ATOSA: variants seen among roughly 807,000 people sequenced by gnomAD.
ATOSA encodes the protein atos homolog A.
chr15:52,582,019 C>T, the ATOSA span: 1 of 647,826 alleles, frequency 1.5e-6, no homozygotes, highest in East Asian at 3.4e-5. Context: ...TTTCAGGAAT[C>T]CTTTCATAAA....
chr15:52,707,747 C>T, the ATOSA span, among the ~76,000 whole-genome samples: 2 of 151,812 alleles, frequency 1.3e-5, no homozygotes, highest in Admixed American at 1.3e-4. Flanking sequence ...CCACATACTC[C>T]CGAATGATTC....
the ATOSA span, chr15:52,658,085 C>T: frequency 6.6e-6 from 1 of 152,058 alleles, no homozygotes; most frequent in South Asian, 2.1e-4. Flanking sequence ...TGGTTTTTAC[C>T]ATATCATATT....
chr15:52,589,523 A>G, the ATOSA span, among the ~76,000 whole-genome samples: 1 of 146,654 alleles, frequency 6.8e-6, no homozygotes, highest in African/African-American at 2.5e-5. Flanking sequence ...TTTAGAACAC[A>G]GTAACTAAAT....
chr15:52,658,999 GA>G, the ATOSA span, among the ~76,000 whole-genome samples: 1 of 151,594 alleles, frequency 6.6e-6, no homozygotes, highest in African/African-American at 2.4e-5. Flanking sequence ...AACAAAAAAA[GA>G]AAGGGATAGT....
At chr15:52,594,059 TA>T in the ATOSA span, among the ~76,000 whole-genome samples, 1 of 152,366 alleles carries the variant, frequency 6.6e-6, no homozygotes, top group South Asian at 2.1e-4. Flanking sequence ...ATGTTGTTTT[TA>T]TATCTGTAAA....
the ATOSA span, among the ~76,000 whole-genome samples, chr15:52,649,081 A>G: frequency 6.6e-6 from 1 of 152,198 alleles, no homozygotes; most frequent in Non-Finnish European, 1.5e-5. Context: ...TTTTGATACT[A>G]TAACATCTGA....
the ATOSA span, chr15:52,605,244 CCT>C: frequency 6.3e-7 from 1 of 1,576,248 alleles, no homozygotes; most frequent in Non-Finnish European, 8.6e-7. Context: ...TCAGTGTAGT[CCT>C]CTGTTAGGAA....
the ATOSA span, chr15:52,611,022 T>TA: frequency 2.3e-6 from 3 of 1,288,040 alleles, no homozygotes; most frequent in Non-Finnish European, 3.1e-6. Flanking sequence ...TTTATCCACT[T>TA]ACATTTAGAA....
chr15:52,705,880 AT>A, the ATOSA span, among the ~76,000 whole-genome samples: 3 of 152,162 alleles, frequency 2.0e-5, no homozygotes, highest in African/African-American at 7.2e-5. Context: ...TTTACTCTAT[AT>A]TATTTATGAT....
chr15:52,587,237 C>A, the ATOSA span: 3 of 1,607,990 alleles, frequency 1.9e-6, no homozygotes, highest in Non-Finnish European at 2.5e-6. Flanking sequence ...TAAAAGAAGA[C>A]AAATTGAGTA....
At chr15:52,634,248 C>T in the ATOSA span, among the ~76,000 whole-genome samples, 1 of 152,084 alleles carries the variant, frequency 6.6e-6, no homozygotes, top group African/African-American at 2.4e-5. Context: ...GCCTGGCCAA[C>T]ATGTTGAAAT....
At chr15:52,634,112 A>T in the ATOSA span, among the ~76,000 whole-genome samples, 11 of 152,072 alleles carry the variant, frequency 7.2e-5, no homozygotes, top group African/African-American at 1.9e-4. Context: ...AATAGAATTT[A>T]AAAAAAATCT....
At chr15:52,600,317 C>A in the ATOSA span, 1 of 812,608 alleles carries the variant, frequency 1.2e-6, no homozygotes. Flanking sequence ...CTCACTCTGT[C>A]ACCCAGGCGG....
the ATOSA span, among the ~76,000 whole-genome samples, chr15:52,673,128 T>C: frequency 6.6e-6 from 1 of 152,246 alleles, no homozygotes; most frequent in African/African-American, 2.4e-5. Context: ...ATTTGAATGC[T>C]AAGTGCCAGC....
At chr15:52,634,678 T>A in the ATOSA span, among the ~76,000 whole-genome samples, 2 of 151,394 alleles carry the variant, frequency 1.3e-5, no homozygotes, top group African/African-American at 4.9e-5. Flanking sequence ...CTCGGCTCAC[T>A]GCAACTTCTG....
the ATOSA span, among the ~76,000 whole-genome samples, chr15:52,588,845 G>A: frequency 6.6e-6 from 1 of 152,222 alleles, no homozygotes; most frequent in Non-Finnish European, 1.5e-5. Context: ...AGAACTGTAT[G>A]TTCTACATTT....
the ATOSA span, among the ~76,000 whole-genome samples, chr15:52,672,791 T>C: frequency 6.6e-6 from 1 of 152,208 alleles, no homozygotes; most frequent in Non-Finnish European, 1.5e-5. Flanking sequence ...TTTTTTCTCA[T>C]TCTTCAAAGA....
At chr15:52,611,804 T>A in the ATOSA span, 2 of 1,607,700 alleles carry the variant, frequency 1.2e-6, no homozygotes, top group Non-Finnish European at 1.7e-6. Flanking sequence ...ATAAGCAAAA[T>A]GTCTCAAAAA....
At chr15:52,609,286 G>T in the ATOSA span, 1 of 1,613,926 alleles carries the variant, frequency 6.2e-7, no homozygotes, top group South Asian at 1.1e-5. Flanking sequence ...TTTTGTGTGA[G>T]AAATGGAAAC....
Sources: allele counts gnomAD v4.1 joint callset (sites outside exome capture counted in the v4.1 genomes callset), GRCh38; gene constraint gnomAD v4.1.1; transcripts MANE v1.5; gene names NCBI Gene and HGNC (gene_info 2026-07-23, HGNC 2026-07-21).